The following USP25 variants were observed in gnomAD, a reference collection of about 807,000 sequenced individuals.
USP25 encodes ubiquitin specific peptidase 25.
Under a neutral mutation model 158.5 loss-of-function variants are expected in USP25, and 85 were observed. The ratio of observed to expected loss-of-function variants is 0.54; its 90% CI spans 0.45 to 0.64. USP25 has a LOEUF of 0.64. Among genes scored for constraint, USP25 ranks in the 30% least tolerant of loss-of-function variants. USP25 has a pLI of 0.00. For missense variants in USP25, 1,242 were observed against 1,327.3 expected (o/e 0.94, Z 1.00); for synonymous variants, 464 against 460.4 (o/e 1.01, Z -0.10).
intron 18 of USP25, among the ~76,000 whole-genome samples, chr21:15,842,950 A>G (rs1357625953): frequency 6.6e-6 from 1 of 152,280 alleles, no homozygotes; most frequent in East Asian, 1.9e-4. Context: ...GTGTTTAACA[A>G]TAAAACTACT....
At chr21:15,746,480 C>T (rs1357849382) in intron 1 of USP25, among the ~76,000 whole-genome samples, 3 of 152,062 alleles carry the variant, frequency 2.0e-5, no homozygotes, top group Admixed American at 6.5e-5. Flanking sequence ...CTGCAACCGC[C>T]GCCTCCCAGG....
rs1011611220 is a variant in USP25 at position 15,843,213 on chromosome 21, C to G, written c.2337+673C>G. On this transcript the variant is annotated intron_variant, in intron 18 of 25. Coordinates refer to ENST00000400183, the MANE Select transcript of USP25 (RefSeq NM_001283041.3). This position sits in a 1 kb window ranked among gnomAD's most constrained non-coding sequence, Gnocchi z 4.0. The stretch of plus-strand genomic sequence containing the variant: ...GAGAAGCTATTTCAAGAATTTGTTA[C>G]TACTAAACCTTTTAGTTCCTGTAGT... Among the ~76,000 whole-genome samples the G allele has an allele frequency of 6.6e-6, 1 of 152,138 alleles. No individual in the cohort carries two copies. Among genetic ancestry groups the G allele is most frequent in the East Asian group, 1.9e-4 (1 of 5,196 alleles).
At chr21:15,817,788 A>G (rs986507431) in intron 9 of USP25, among the ~76,000 whole-genome samples, 1 of 152,174 alleles carries the variant, frequency 6.6e-6, no homozygotes, top group Admixed American at 6.5e-5. Context: ...AACCGCCCCC[A>G]TGATTGAATT....
chr21:15,739,772 C>T (rs1369783270), intron 1 of USP25, among the ~76,000 whole-genome samples: 1 of 152,094 alleles, frequency 6.6e-6, no homozygotes, highest in Admixed American at 6.5e-5. Flanking sequence ...CCAAATTTGG[C>T]TTGTGAAAGT....
chr21:15,850,489 ATTTGAAAGATGAAAATACCATGTATGT>A (rs1260584277), intron 20 of USP25, among the ~76,000 whole-genome samples: 1 of 151,486 alleles, frequency 6.6e-6, no homozygotes, highest in Non-Finnish European at 1.5e-5. Flanking sequence ...CCTTTTACAG[ATTTGAAAGATGAAAATACCATGTATGT>A]TTTGTCATTT....
intron 6 of USP25, among the ~76,000 whole-genome samples, chr21:15,800,584 A>G (rs1344823533): frequency 6.6e-6 from 1 of 151,368 alleles, no homozygotes; most frequent in Admixed American, 6.6e-5. Flanking sequence ...TGCACACAGA[A>G]TTTATACCTA....
intron 3 of USP25, among the ~76,000 whole-genome samples, chr21:15,768,600 T>C (rs1280285050): frequency 1.3e-5 from 2 of 152,058 alleles, no homozygotes; most frequent in Non-Finnish European, 2.9e-5. Flanking sequence ...TAATTACAAA[T>C]GGATATACAT....
intron 17 of USP25, among the ~76,000 whole-genome samples, chr21:15,834,506 T>G (rs180907900): frequency 3.9e-5 from 6 of 152,332 alleles, no homozygotes; most frequent in African/African-American, 1.4e-4. Flanking sequence ...TTGTTTAATT[T>G]CATCTTTCGC....
chr21:15,730,243 C>T lies in USP25; in HGVS notation c.-151C>T. On this transcript the variant is annotated 5_prime_UTR_variant, in exon 1 of 26. Transcript: ENST00000400183. ...CCGCGGTGCCCGCGCACGCCGGCCG[C>T]CATCGCCTTCGCGCCTGGCTGGCGG... 1 of 854,190 alleles carries T rather than the reference C, an allele frequency of 1.2e-6. No homozygotes were observed. Among genetic ancestry groups the T allele is most frequent in the Non-Finnish European group, 1.4e-6 (1 of 711,136 alleles). 52.9% of individuals were successfully genotyped at this position (854,190 alleles called of 1,614,324 possible).
At position 15,833,225 on chromosome 21, in the gene USP25, A is replaced by G. The variant is rs1054407108; in HGVS notation, c.1994-123A>G. 7 of 878,294 alleles carry G rather than the reference A, an allele frequency of 8.0e-6. No individual in the cohort carries two copies. In the Admixed American group the frequency reaches 8.5e-5, roughly 11 times the overall value. 54.4% of individuals were successfully genotyped at this position (878,294 alleles called of 1,614,324 possible). A position where few individuals can be genotyped will look rare whatever the true frequency, so the allele number is the denominator to read the frequency against. On this transcript the variant is annotated intron_variant, in intron 16 of 25. Transcript: ENST00000400183. The stretch of plus-strand genomic sequence containing the variant: ...GCTAAGCAATAGTAATTCTTAAGTA[A>G]TATGATTGGCTGAGTGGTAATAATT...
At chr21:15,858,990 T>C (rs977583306) in intron 20 of USP25, among the ~76,000 whole-genome samples, 3 of 151,760 alleles carry the variant, frequency 2.0e-5, no homozygotes, top group Non-Finnish European at 4.4e-5. Flanking sequence ...TAAACACTTT[T>C]TGTTATCTCA....
chr21:15,835,133 AT>A (rs964869435), intron 17 of USP25, among the ~76,000 whole-genome samples: 2 of 152,090 alleles, frequency 1.3e-5, no homozygotes, highest in Non-Finnish European at 2.9e-5. Flanking sequence ...TATTCTTGTT[AT>A]TAGTGGGAGG....
intron 20 of USP25, among the ~76,000 whole-genome samples, chr21:15,858,088 T>G (rs568304542): frequency 6.6e-6 from 1 of 152,204 alleles, no homozygotes; most frequent in South Asian, 2.1e-4. Flanking sequence ...ACCAGTGATC[T>G]TATTGTAGAT....
chr21:15,866,122 T>C (rs1229892956), intron 21 of USP25, 144 bp from the exon 22 acceptor site: 2 of 393,350 alleles, frequency 5.1e-6, no homozygotes, highest in African/African-American at 2.1e-5. Flanking sequence ...GTTTTTCACT[T>C]AAGGTTATTT....
chr21:15,825,808 A>G (rs2037473211), intron 12 of USP25, among the ~76,000 whole-genome samples: 1 of 152,214 alleles, frequency 6.6e-6, no homozygotes, highest in South Asian at 2.1e-4. Context: ...AAAAGTATGA[A>G]TAATCATATT....
intron 2 of USP25, among the ~76,000 whole-genome samples, chr21:15,764,114 T>C (rs2033895975): frequency 6.6e-6 from 1 of 152,138 alleles, no homozygotes; most frequent in Non-Finnish European, 1.5e-5. Context: ...ATGAAGCCAC[T>C]GTAAGTATTT....
chr21:15,871,648 TCC>T (rs972299056), intron 23 of USP25, among the ~76,000 whole-genome samples: 1 of 152,210 alleles, frequency 6.6e-6, no homozygotes, highest in African/African-American at 2.4e-5. Flanking sequence ...TATTAGTTGT[TCC>T]CAGTTAACAT....
At chr21:15,820,005 C>T (rs955106784) in intron 10 of USP25, among the ~76,000 whole-genome samples, 20 of 152,148 alleles carry the variant, frequency 1.3e-4, no homozygotes, top group African/African-American at 4.6e-4. Context: ...GTTATCCAGG[C>T]AGGGTCTACG....
chr21:15,870,040 C>T, intron 22 of USP25, 28 bp from the exon 23 acceptor site: 1 of 1,536,452 alleles, frequency 6.5e-7, no homozygotes, highest in Non-Finnish European at 8.9e-7. Flanking sequence ...TTACTCTGAA[C>T]ATTTTTAATA....
Sources: allele counts gnomAD v4.1 joint callset (sites outside exome capture counted in the v4.1 genomes callset), GRCh38; gene constraint gnomAD v4.1.1; non-coding constraint Gnocchi (gnomAD v3.1); transcripts MANE v1.5; gene names NCBI Gene and HGNC (gene_info 2026-07-23, HGNC 2026-07-21).